Variants in HDAC9 observed in about 807,000 individuals in gnomAD.
The protein encoded by HDAC9 is MEF-2 interacting transcription repressor (MITR) protein.
In HDAC9, 41 loss-of-function variants were observed where a neutral mutation model predicts 139.4. The observed-to-expected ratio is 0.29, with a 90% CI of 0.23 to 0.38. The LOEUF (loss-of-function observed/expected upper bound fraction) is 0.38. Among genes scored for constraint, HDAC9 ranks in the 10% least tolerant of loss-of-function variants. The probability of loss-of-function intolerance (pLI) is 1.00; values close to 1 mark genes in which losing one functional copy is unlikely to be tolerated. For synonymous variants in HDAC9, 517 were observed against 476.2 expected (o/e 1.09, Z -1.12); for missense variants, 1,147 against 1,297.0 (o/e 0.88, Z 1.78).
chr7:18,787,713 G>C (rs1562941541), intron 16 of HDAC9, among the ~76,000 whole-genome samples: 1 of 152,112 alleles, frequency 6.6e-6, no homozygotes, highest in African/African-American at 2.4e-5. Flanking sequence ...CAGAATCCTG[G>C]CTAGATTTTT....
At chr7:18,375,738 T>C (rs1027537639) in intron 1 of HDAC9, among the ~76,000 whole-genome samples, 1 of 152,186 alleles carries the variant, frequency 6.6e-6, no homozygotes, top group African/African-American at 2.4e-5. Flanking sequence ...CCTAGGGCTC[T>C]GAGGTTGAGA....
chr7:18,930,714 A>T (rs1804665588), intron 22 of HDAC9, among the ~76,000 whole-genome samples: 1 of 152,196 alleles, frequency 6.6e-6, no homozygotes, highest in Admixed American at 6.5e-5. Flanking sequence ...GTGCATGCAT[A>T]ACTTAGAGTT....
intron 2 of HDAC9, among the ~76,000 whole-genome samples, chr7:18,265,457 G>A (rs1222378093): frequency 1.3e-5 from 2 of 152,108 alleles, no homozygotes; most frequent in Non-Finnish European, 2.9e-5. Context: ...TTGTTCTGAC[G>A]AAGCATGTGG....
At chr7:18,196,433 T>C (rs4721701) in intron 2 of HDAC9, among the ~76,000 whole-genome samples, 61,980 of 151,914 alleles carry the variant, frequency 0.41, 12,949 homozygotes, top group South Asian at 0.55. Context: ...TGGGATGGAA[T>C]AGGCAAAGAA....
Position 18,570,092 on chromosome 7 carries a change from C to T in HDAC9, c.23-15189C>T, listed in dbSNP as rs181203069. Among the ~76,000 whole-genome samples the T allele has an allele frequency of 3.3e-4, 50 of 152,022 alleles. 1 individual carries two copies. Among genetic ancestry groups the T allele is most frequent in the African/African-American group, 1.2e-3 (48 of 41,446 alleles). On this transcript the variant is annotated intron_variant, in intron 2 of 25. Coordinates refer to ENST00000686413, the MANE Select transcript of HDAC9 (RefSeq NM_178425.4). ...CAATGGGATTTAGTTAATCAAGTACCGAAGATGACTTCATTACCAGGCAGT... is the reference window on the plus strand; with the variant it reads ...CAATGGGATTTAGTTAATCAAGTACTGAAGATGACTTCATTACCAGGCAGT...
At chr7:18,316,763 G>A (rs1486523730) in intron 1 of HDAC9, among the ~76,000 whole-genome samples, 2 of 151,998 alleles carry the variant, frequency 1.3e-5, no homozygotes. Context: ...GTTGTGGCGA[G>A]CCAAGATTGT....
Position 18,111,076 on chromosome 7 carries a change from C to G in HDAC9, c.-97+23863C>G, listed in dbSNP as rs1399937548. Among the ~76,000 whole-genome samples, 8 of 152,118 alleles carry G rather than the reference C, an allele frequency of 5.3e-5. No individual in the cohort carries two copies. In the South Asian group the frequency reaches 1.0e-3, roughly 20 times the overall value. ...CCTAGAGTAAGTACTCTGTGCCAAACAATGTGTTTGACTCTGAGGATGTGG... is the reference window on the plus strand; with the variant it reads ...CCTAGAGTAAGTACTCTGTGCCAAAGAATGTGTTTGACTCTGAGGATGTGG... On this transcript the variant is annotated intron_variant, in intron 1 of 12. Coordinates refer to the HDAC9 transcript ENST00000417496.
intron 17 of HDAC9, among the ~76,000 whole-genome samples, chr7:18,794,610 G>T (rs1360373647): frequency 6.6e-6 from 1 of 152,188 alleles, no homozygotes; most frequent in Non-Finnish European, 1.5e-5. Flanking sequence ...TTAATGTGGT[G>T]CTTACTCTTC....
intron 6 of HDAC9, among the ~76,000 whole-genome samples, chr7:18,599,571 C>A (rs916936933): frequency 6.6e-6 from 1 of 152,154 alleles, no homozygotes; most frequent in Non-Finnish European, 1.5e-5. Flanking sequence ...TTCAAACTGG[C>A]TTCTTGTATT....
intron 1 of HDAC9, among the ~76,000 whole-genome samples, chr7:18,161,023 C>T (rs1399230291): frequency 6.6e-6 from 1 of 152,084 alleles, no homozygotes; most frequent in East Asian, 1.9e-4. Flanking sequence ...TTCTCATTGA[C>T]ACAGAAATCA....
intron 2 of HDAC9, among the ~76,000 whole-genome samples, chr7:18,183,665 G>A (rs1789681894): frequency 6.6e-6 from 1 of 152,036 alleles, no homozygotes; most frequent in African/African-American, 2.4e-5. Flanking sequence ...TCATTTTTCT[G>A]TAGAGATGGG....
chr7:18,613,459 A>G (rs1837724034), intron 6 of HDAC9, among the ~76,000 whole-genome samples: 1 of 152,092 alleles, frequency 6.6e-6, no homozygotes, highest in Non-Finnish European at 1.5e-5. Flanking sequence ...GTCTGGTTCT[A>G]AGAGATTTTT....
chr7:18,775,888 G>A (rs1184271609), intron 16 of HDAC9, among the ~76,000 whole-genome samples: 1 of 151,960 alleles, frequency 6.6e-6, no homozygotes, highest in Non-Finnish European at 1.5e-5. Flanking sequence ...ACAGTTCTAC[G>A]AGATGGCCTT....
chr7:18,905,049 C>G (rs187090381), intron 22 of HDAC9, among the ~76,000 whole-genome samples: 1 of 152,160 alleles, frequency 6.6e-6, no homozygotes, highest in Non-Finnish European at 1.5e-5. Flanking sequence ...CGGTCATGAG[C>G]CACCATGCCA....
intron 22 of HDAC9, among the ~76,000 whole-genome samples, chr7:18,909,859 G>T (rs773902824): frequency 6.6e-6 from 1 of 151,876 alleles, no homozygotes; most frequent in Non-Finnish European, 1.5e-5. Flanking sequence ...GTTATTATAG[G>T]CTTGTAGTAT....
At chr7:18,744,456 G>A (rs573207852) in intron 13 of HDAC9, among the ~76,000 whole-genome samples, 68 of 152,250 alleles carry the variant, frequency 4.5e-4, no homozygotes, top group African/African-American at 1.6e-3. Context: ...GCCCTAGAAG[G>A]AGTTTAATAA....
At position 18,109,955 on chromosome 7, in the gene HDAC9, A is replaced by G. The variant is rs539697148; in HGVS notation, c.-97+22742A>G. On this transcript the variant is annotated intron_variant, in intron 1 of 12. Coordinates refer to the HDAC9 transcript ENST00000417496. Reference sequence around the variant, plus strand: ...TTCCTCATTTTCTGCACAGAATTGTATTGCTCACCCCATGATTTCTCCCAG... The same window carrying G: ...TTCCTCATTTTCTGCACAGAATTGTGTTGCTCACCCCATGATTTCTCCCAG... Among the ~76,000 whole-genome samples, 20 of 152,240 alleles carry G rather than the reference A, an allele frequency of 1.3e-4. No homozygotes were observed. The East Asian group carries it at 3.9e-3, about 29-fold the overall frequency.
chr7:18,869,360 G>A (rs751848180), intron 21 of HDAC9, among the ~76,000 whole-genome samples: 1 of 152,004 alleles, frequency 6.6e-6, no homozygotes, highest in Non-Finnish European at 1.5e-5. Flanking sequence ...CTGTTCTCAT[G>A]ATAGAGTTCT....
At chr7:18,764,271 A>G (rs937239986) in intron 15 of HDAC9, among the ~76,000 whole-genome samples, 5 of 152,216 alleles carry the variant, frequency 3.3e-5, no homozygotes, top group Non-Finnish European at 7.4e-5. Flanking sequence ...TTTTGAACAT[A>G]TGATGTGAAA....
Sources: allele counts gnomAD v4.1 joint callset (sites outside exome capture counted in the v4.1 genomes callset), GRCh38; gene constraint gnomAD v4.1.1; transcripts MANE v1.5; gene names NCBI Gene and HGNC (gene_info 2026-07-23, HGNC 2026-07-21).